Variants in MDGA2 observed in about 807,000 individuals in gnomAD.
The protein encoded by MDGA2 is MAM domain-containing glycosylphosphatidylinositol anchor protein 2.
MDGA2 carries 40 observed loss-of-function variants against 117.8 expected under a neutral mutation model. The ratio of observed to expected loss-of-function variants is 0.34; its 90% CI spans 0.26 to 0.44. The LOEUF (loss-of-function observed/expected upper bound fraction) is 0.44. MDGA2 is among the 20% of genes least tolerant of loss of function. The pLI is 1.00. For synonymous variants in MDGA2, 452 were observed against 439.0 expected, an observed-to-expected ratio of 1.03 and a Z score of -0.37; for missense variants, 1,123 against 1,250.6, an observed-to-expected ratio of 0.90 and a Z score of 1.54.
chr14:47,575,858 A>T (rs1401123942), intron 1 of MDGA2, among the ~76,000 whole-genome samples: 1 of 152,214 alleles, frequency 6.6e-6, no homozygotes, highest in Non-Finnish European at 1.5e-5. Flanking sequence ...TTTAATACTG[A>T]TATTATGTAA....
At chr14:46,879,285 C>T (rs568325581) in intron 11 of MDGA2, among the ~76,000 whole-genome samples, 157 of 152,102 alleles carry the variant, frequency 1.0e-3, no homozygotes, top group African/African-American at 3.6e-3. Flanking sequence ...GAGCTCTCAC[C>T]AGAAGCTAAC....
chr14:47,591,913 T>C (rs992159051), intron 1 of MDGA2, among the ~76,000 whole-genome samples: 1 of 152,058 alleles, frequency 6.6e-6, no homozygotes, highest in African/African-American at 2.4e-5. Context: ...CAACATAGTA[T>C]TGGAAATTCT....
intron 14 of MDGA2, among the ~76,000 whole-genome samples, chr14:46,868,641 C>A (rs565004871): frequency 3.9e-5 from 6 of 151,994 alleles, no homozygotes; most frequent in African/African-American, 1.4e-4. Context: ...AGTTAGCAAG[C>A]GAAATGCAGT....
chr14:46,923,862 C>G (rs1203106140), intron 9 of MDGA2, among the ~76,000 whole-genome samples: 1 of 151,956 alleles, frequency 6.6e-6, no homozygotes, highest in Admixed American at 6.6e-5. Flanking sequence ...CTTTGACATC[C>G]AAACATGACA....
rs12590898 is a variant in MDGA2 at position 47,136,796 on chromosome 14, T to C, written c.793-4950A>G. ...GATAGGAATAGAGCACACAGTAAGGTTTTAGTAAGCTTCCTGAACCATGTT... is the reference window on the plus strand; with the variant it reads ...GATAGGAATAGAGCACACAGTAAGGCTTTAGTAAGCTTCCTGAACCATGTT... On this transcript the variant is annotated intron_variant, in intron 4 of 16. Coordinates refer to ENST00000399232, the MANE Select transcript of MDGA2 (RefSeq NM_001113498.3). Among the ~76,000 whole-genome samples, 610 of 152,206 alleles carry C rather than the reference T, an allele frequency of 4.0e-3. 34 individuals are homozygous for C. The East Asian group carries it at 0.1, about 26-fold the overall frequency.
rs1566731612 is a variant in MDGA2, at chr14:47,307,690, G to GC, written c.281-6141_281-6140insG. Among the ~76,000 whole-genome samples, 20 of 130,484 alleles carry GC rather than the reference G, an allele frequency of 1.5e-4. No individual in the cohort carries two copies. The Middle Eastern group carries it at 0.012, about 76-fold the overall frequency. The allele number at this position is 130,484 out of a possible 152,430, so 85.6% of individuals were successfully genotyped here. A position where few individuals can be genotyped will look rare whatever the true frequency, so the allele number is the denominator to read the frequency against. On this transcript the variant is annotated intron_variant, in intron 1 of 16. Transcript: ENST00000399232. ...GTGACAGAGAGATACTCTGTGGGGG[G>GC]GAAAAAAAAAGGCAGGAAAAAAATA...
At chr14:47,312,229 G>A (rs1165242272) in intron 1 of MDGA2, among the ~76,000 whole-genome samples, 1 of 152,066 alleles carries the variant, frequency 6.6e-6, no homozygotes, top group Non-Finnish European at 1.5e-5. Flanking sequence ...CGCTCTGTAA[G>A]TATGTATCTC....
At chr14:47,089,518 G>A (rs929439861) in intron 6 of MDGA2, among the ~76,000 whole-genome samples, 1 of 152,092 alleles carries the variant, frequency 6.6e-6, no homozygotes, top group African/African-American at 2.4e-5. Context: ...TGGGATTATA[G>A]GTGCGAGCTG....
intron 9 of MDGA2, among the ~76,000 whole-genome samples, chr14:46,950,452 A>C (rs1885331921): frequency 6.6e-6 from 1 of 152,028 alleles, no homozygotes; most frequent in Non-Finnish European, 1.5e-5. Context: ...CACTTCGTAT[A>C]TTACAGAAGG....
intron 1 of MDGA2, among the ~76,000 whole-genome samples, chr14:47,474,661 G>C (rs1161702229): frequency 6.6e-6 from 1 of 152,052 alleles, no homozygotes; most frequent in African/African-American, 2.4e-5. Flanking sequence ...GAACAGAATA[G>C]AGTACTCAGA....
intron 1 of MDGA2, among the ~76,000 whole-genome samples, chr14:47,500,259 A>G (rs982735368): frequency 2.0e-5 from 3 of 152,118 alleles, no homozygotes; most frequent in Admixed American, 2.0e-4. Context: ...ACAATTGACC[A>G]TTTAGAGGCC....
intron 6 of MDGA2, among the ~76,000 whole-genome samples, chr14:47,087,800 TC>T (rs1284677832): frequency 0.11 from 5,004 of 47,430 alleles, 279 homozygotes; most frequent in African/African-American, 0.27. Context: ...CTGTAGGGTA[TC>T]AAAAAAAAAA....
intron 1 of MDGA2, among the ~76,000 whole-genome samples, chr14:47,562,413 A>G (rs1895834054): frequency 6.6e-6 from 1 of 152,118 alleles, no homozygotes; most frequent in Non-Finnish European, 1.5e-5. Flanking sequence ...CTGATTCAAT[A>G]TCAGAACTCA....
intron 8 of MDGA2, among the ~76,000 whole-genome samples, chr14:47,003,819 C>G (rs992666265): frequency 6.6e-6 from 1 of 151,784 alleles, no homozygotes; most frequent in Admixed American, 6.6e-5. Flanking sequence ...TTGTGGATTG[C>G]ATTTTGGGTG....
At chr14:47,285,999 G>A (rs999158923) in intron 2 of MDGA2, among the ~76,000 whole-genome samples, 23 of 151,942 alleles carry the variant, frequency 1.5e-4, no homozygotes, top group African/African-American at 5.3e-4. Context: ...TACGTGTGAA[G>A]CTTTTATGTT....
At chr14:47,165,369 C>T (rs1190064895) in intron 3 of MDGA2, among the ~76,000 whole-genome samples, 1 of 152,164 alleles carries the variant, frequency 6.6e-6, no homozygotes, top group Non-Finnish European at 1.5e-5. Context: ...CAGCTGTCTT[C>T]TAGTTCAGGC....
rs12590500 is a variant in MDGA2, at chr14:46,957,434, C to A, written c.2029G>T (p.Val677Phe). The change falls in exon 9 of 17, where the codon GTT becomes TTT. Residue 677 changes from valine (V) to phenylalanine (F), a missense_variant. Val to Phe is a conservative substitution (Grantham distance 50, BLOSUM62 -1). Coordinates refer to ENST00000399232, the MANE Select transcript of MDGA2 (RefSeq NM_001113498.3). ...TCATTTATGATGCTACAGTTATAAA[C>A]CCCATAGTTTTCATTGGAAAGACTC... ...VKSLSNENYG[V>F]YNCSIINEAG... 0.054 allele frequency: 87,947 copies of A among 1,613,874 alleles called. 6,663 individuals carry two copies. Among genetic ancestry groups the A allele is most frequent in the African/African-American group, 0.27 (20,442 of 74,912 alleles).
At chr14:47,293,107 G>C (rs1050962250) in intron 2 of MDGA2, among the ~76,000 whole-genome samples, 20 of 152,142 alleles carry the variant, frequency 1.3e-4, no homozygotes, top group African/African-American at 4.8e-4. Context: ...GAGCTTCTCA[G>C]AGATGCCAGT....
At chr14:47,051,480 T>G (rs955629151) in intron 7 of MDGA2, among the ~76,000 whole-genome samples, 8 of 151,876 alleles carry the variant, frequency 5.3e-5, no homozygotes, top group Admixed American at 4.0e-4. Context: ...CTCACTGATA[T>G]CTAACAATGT....
Sources: gnomAD v4.1 joint callset for allele counts (sites outside exome capture counted in the v4.1 genomes callset) on GRCh38, gnomAD v4.1.1 for gene constraint, MANE v1.5 for transcripts, NCBI Gene and HGNC (gene_info 2026-07-23, HGNC 2026-07-21) for gene names.